The following LDAH variants were observed in gnomAD, a reference collection of about 807,000 sequenced individuals.
LDAH encodes the protein lipid droplet associated hydrolase.
LDAH carries 26 observed loss-of-function variants against 29.6 expected under a neutral mutation model. That is an observed-to-expected ratio of 0.88 (90% CI 0.64 to 1.22). The LOEUF is 1.22. LDAH is among the 50% of genes most tolerant of loss of function. The pLI is 0.00. For synonymous variants in LDAH, 117 were observed against 133.0 expected (o/e 0.88, Z 0.83); for missense variants, 344 against 387.3 (o/e 0.89, Z 0.94).
At chr2:20,770,654 C>CA (rs1669350490) in intron 4 of LDAH, among the ~76,000 whole-genome samples, 2 of 152,170 alleles carry the variant, frequency 1.3e-5, no homozygotes. Flanking sequence ...CTAGAGCATT[C>CA]ACGGGGTTTC....
chr2:20,707,890 G>A (rs565686593), intron 5 of LDAH, among the ~76,000 whole-genome samples: 5 of 152,216 alleles, frequency 3.3e-5, no homozygotes, highest in Admixed American at 6.5e-5. Flanking sequence ...AAGCTCCACC[G>A]CCTGTCAGAT....
chr2:20,718,205 T>A (rs1023794614), intron 5 of LDAH, among the ~76,000 whole-genome samples: 2 of 152,078 alleles, frequency 1.3e-5, no homozygotes, highest in Non-Finnish European at 2.9e-5. Flanking sequence ...AATTCTCCAA[T>A]TAAGACATAG....
intron 1 of LDAH, among the ~76,000 whole-genome samples, chr2:20,803,478 A>G (rs2125115108): frequency 6.6e-6 from 1 of 152,268 alleles, no homozygotes; most frequent in African/African-American, 2.4e-5. Flanking sequence ...AGTGCTCTAG[A>G]TTGCTACACA....
intron 1 of LDAH, among the ~76,000 whole-genome samples, chr2:20,820,710 G>A (rs1300717369): frequency 7.0e-6 from 1 of 142,030 alleles, no homozygotes; most frequent in Non-Finnish European, 1.5e-5. Flanking sequence ...CATGGGCAAG[G>A]ACTTCATGTC....
At chr2:20,800,525 A>G (rs1207344131) in intron 2 of LDAH, among the ~76,000 whole-genome samples, 1 of 152,268 alleles carries the variant, frequency 6.6e-6, no homozygotes, top group Non-Finnish European at 1.5e-5. Flanking sequence ...CAATCGCTCA[A>G]GCATCTGTCC....
chr2:20,693,952 C>G (rs1247636444), intron 6 of LDAH, among the ~76,000 whole-genome samples: 1 of 152,264 alleles, frequency 6.6e-6, no homozygotes, highest in African/African-American at 2.4e-5. Flanking sequence ...ATCTTCTTGG[C>G]CTTTCTTCCA....
chr2:20,822,872 G>C (rs1673434639), intron 1 of LDAH, among the ~76,000 whole-genome samples, 165 bp downstream of exon 1: 1 of 152,238 alleles, frequency 6.6e-6, no homozygotes, highest in South Asian at 2.1e-4. Flanking sequence ...CTCCGAACTC[G>C]CGAGCTGTCG....
intron 4 of LDAH, among the ~76,000 whole-genome samples, chr2:20,772,943 T>C (rs1669534753): frequency 6.6e-6 from 1 of 152,216 alleles, no homozygotes; most frequent in African/African-American, 2.4e-5. Flanking sequence ...GGTTAAAATC[T>C]TGGGAGAGAC....
intron 5 of LDAH, among the ~76,000 whole-genome samples, chr2:20,731,937 A>G (rs942763723): frequency 4.0e-5 from 6 of 151,876 alleles, no homozygotes; most frequent in Middle Eastern, 3.4e-3. Context: ...TCTACAGACA[A>G]TCATGCCATC....
intron 5 of LDAH, among the ~76,000 whole-genome samples, chr2:20,709,845 T>C (rs1457308169): frequency 6.6e-6 from 1 of 152,110 alleles, no homozygotes; most frequent in African/African-American, 2.4e-5. Context: ...TGGCACATGC[T>C]AAACCATGAA....
At chr2:20,774,263 A>G (rs994376406) in intron 4 of LDAH, among the ~76,000 whole-genome samples, 3 of 152,150 alleles carry the variant, frequency 2.0e-5, no homozygotes, top group Admixed American at 1.3e-4. Flanking sequence ...TCTGGCACAC[A>G]GTGGTATCCA....
At chr2:20,739,377 G>C (rs931568943) in intron 5 of LDAH, among the ~76,000 whole-genome samples, 3 of 152,132 alleles carry the variant, frequency 2.0e-5, no homozygotes, top group Non-Finnish European at 4.4e-5. Context: ...TATAAATGTA[G>C]TATAAAATAG....
At chr2:20,743,888 T>C (rs990814229) in intron 4 of LDAH, among the ~76,000 whole-genome samples, 22 of 151,842 alleles carry the variant, frequency 1.4e-4, no homozygotes, top group Middle Eastern at 3.4e-3. Flanking sequence ...TATTCTTTTT[T>C]TTTCTTTTCC....
intron 4 of LDAH, among the ~76,000 whole-genome samples, chr2:20,744,948 G>A (rs1483119369): frequency 5.9e-5 from 9 of 152,092 alleles, no homozygotes; most frequent in Non-Finnish European, 1.3e-4. Context: ...TTGCCAGTCT[G>A]TCTCTCTAGT....
chr2:20,820,695 A>G (rs1331148423), intron 1 of LDAH, among the ~76,000 whole-genome samples: 1 of 143,758 alleles, frequency 7.0e-6, no homozygotes, highest in East Asian at 2.0e-4. Context: ...CATTCAGGAC[A>G]TAGGCATGGG....
intron 2 of LDAH, among the ~76,000 whole-genome samples, chr2:20,791,232 G>A (rs1385181313): frequency 6.6e-6 from 1 of 152,176 alleles, no homozygotes; most frequent in Non-Finnish European, 1.5e-5. Context: ...CATAGACTCT[G>A]AAGCCAGACT....
chr2:20,764,557 A>T (rs1039527098), intron 4 of LDAH, among the ~76,000 whole-genome samples: 4 of 152,198 alleles, frequency 2.6e-5, no homozygotes, highest in African/African-American at 9.7e-5. Flanking sequence ...TATGCTCCAG[A>T]ACACTCACAC....
chr2:20,701,817 C>CA (rs1326009110), intron 5 of LDAH, among the ~76,000 whole-genome samples, 165 bp from the exon 6 acceptor site: 1 of 152,220 alleles, frequency 6.6e-6, no homozygotes, highest in Non-Finnish European at 1.5e-5. Flanking sequence ...AACATGCACA[C>CA]AGTCTCTGGA....
intron 2 of LDAH, 48 bp downstream of exon 2, chr2:20,801,262 G>A (rs2125106535): frequency 1.9e-6 from 3 of 1,569,220 alleles, no homozygotes; most frequent in South Asian, 1.2e-5. Context: ...ATCAGACATA[G>A]TTATGAGTAT....
Sources: allele counts gnomAD v4.1 joint callset (sites outside exome capture counted in the v4.1 genomes callset), GRCh38; gene constraint gnomAD v4.1.1; transcripts MANE v1.5; gene names NCBI Gene and HGNC (gene_info 2026-07-23, HGNC 2026-07-21).